ADAMTS9: variants seen among roughly 807,000 people sequenced by gnomAD.
ADAMTS9 encodes the protein A disintegrin and metalloproteinase with thrombospondin motifs 9.
In ADAMTS9, 107 loss-of-function variants were observed where a neutral mutation model predicts 257.1. That is an observed-to-expected ratio of 0.42 (90% CI 0.36 to 0.49). The LOEUF (loss-of-function observed/expected upper bound fraction) is 0.49, where lower values mean the gene tolerates loss of function less well. Ranked by LOEUF, ADAMTS9 falls within the 20% of genes least tolerant of loss-of-function variation. ADAMTS9 has a pLI of 0.03. For synonymous variants in ADAMTS9, 982 were observed against 880.9 expected, an observed-to-expected ratio of 1.11 and a Z score of -2.03; for missense variants, 2,353 against 2,469.1, an observed-to-expected ratio of 0.95 and a Z score of 1.00.
intron 28 of ADAMTS9, among the ~76,000 whole-genome samples, chr3:64,591,481 A>C (rs1655138158): frequency 6.6e-6 from 1 of 152,102 alleles, no homozygotes; most frequent in African/African-American, 2.4e-5. Flanking sequence ...AACACTACCA[A>C]AAAAAGAGTC....
At chr3:64,652,222 C>T (rs747142520) in intron 8 of ADAMTS9, among the ~76,000 whole-genome samples, 7 of 152,170 alleles carry the variant, frequency 4.6e-5, no homozygotes, top group Non-Finnish European at 1.0e-4. Context: ...CATAGACTTG[C>T]ATCATATAAA....
intron 30 of ADAMTS9, among the ~76,000 whole-genome samples, chr3:64,559,336 G>A (rs1287768023): frequency 6.6e-6 from 1 of 152,100 alleles, no homozygotes; most frequent in East Asian, 1.9e-4. Context: ...GCCTCACTCT[G>A]CCAATGAGAG....
intron 30 of ADAMTS9, among the ~76,000 whole-genome samples, chr3:64,556,141 C>T (rs1057410625): frequency 6.6e-6 from 1 of 152,032 alleles, no homozygotes; most frequent in Non-Finnish European, 1.5e-5. Flanking sequence ...TAATAAAAGC[C>T]CTCAGACTCC....
At chr3:64,659,857 G>C (rs183444468) in intron 3 of ADAMTS9, among the ~76,000 whole-genome samples, 289 of 152,160 alleles carry the variant, frequency 1.9e-3, no homozygotes, top group African/African-American at 6.6e-3. Context: ...CCGTGGACCA[G>C]CAAAATTGAC....
Position 64,516,863 on chromosome 3 carries a change from A to C in ADAMTS9, c.*264T>G, listed in dbSNP as rs1416057046. On this transcript the variant is annotated 3_prime_UTR_variant, in exon 40 of 40. Coordinates refer to ENST00000498707, the MANE Select transcript of ADAMTS9 (RefSeq NM_182920.2). ...ATAATAGAATCATTTTACGTACAAA[A>C]ATATTACATCACAATAAATAATTTC... The C allele has an allele frequency of 6.5e-6, 1 of 152,684 alleles. No homozygotes were observed. Among genetic ancestry groups the C allele is most frequent in the Admixed American group, 6.5e-5 (1 of 15,286 alleles). The allele number at this position is 152,684 out of a possible 1,614,324, so 9.5% of individuals were successfully genotyped here.
At chr3:64,679,459 C>T (rs1183609598) in intron 3 of ADAMTS9, among the ~76,000 whole-genome samples, 1 of 152,138 alleles carries the variant, frequency 6.6e-6, no homozygotes, top group Non-Finnish European at 1.5e-5. Context: ...TGGTAACTAC[C>T]TCATAGGTTT....
At chr3:64,533,707 G>C (rs2083011333) in intron 37 of ADAMTS9, among the ~76,000 whole-genome samples, 1 of 152,120 alleles carries the variant, frequency 6.6e-6, no homozygotes. Flanking sequence ...AAGCTTCCTG[G>C]GCTTCCAGCT....
In ADAMTS9 at chr3:64,646,310, A is replaced by G. The variant is rs376767412; in HGVS notation, c.1710+1630T>C. Among the ~76,000 whole-genome samples, 4 of 152,190 alleles carry G rather than the reference A, an allele frequency of 2.6e-5. No homozygotes were observed. In the East Asian group the frequency reaches 5.8e-4, roughly 22 times the overall value. On this transcript the variant is annotated intron_variant, in intron 11 of 39. Transcript: ENST00000498707. ...AGTTGTTTGGGTCTTTGTGTTTAGA[A>G]GGACTCTGAGGCCACATCTTGATTT...
At position 64,593,673 on chromosome 3, in the gene ADAMTS9, G is replaced by A. The variant is rs541594910; in HGVS notation, c.4356+585C>T. 2.6e-4 allele frequency among the ~76,000 whole-genome samples: 39 copies of A among 152,320 alleles called. No homozygotes were observed. The South Asian group carries it at 7.5e-3, about 29-fold the overall frequency. On this transcript the variant is annotated intron_variant, in intron 28 of 39. Transcript: ENST00000498707. Reference sequence around the variant, plus strand: ...ACGGGCTTCCTATCTCTGTGCAAGAGAGAGAACATTTCCGACACCCTAAAA... The same window carrying A: ...ACGGGCTTCCTATCTCTGTGCAAGAAAGAGAACATTTCCGACACCCTAAAA...
chr3:64,537,316 T>C (rs2083063550), intron 37 of ADAMTS9, among the ~76,000 whole-genome samples: 1 of 152,170 alleles, frequency 6.6e-6, no homozygotes, highest in African/African-American at 2.4e-5. Flanking sequence ...AGGATGTGCA[T>C]ATAGAAACAA....
At chr3:64,646,174 G>A (rs1336255900) in intron 11 of ADAMTS9, among the ~76,000 whole-genome samples, 2 of 152,192 alleles carry the variant, frequency 1.3e-5, no homozygotes, top group Non-Finnish European at 2.9e-5. Flanking sequence ...ATTTCACTGA[G>A]ATCAAACAGA....
intron 3 of ADAMTS9, among the ~76,000 whole-genome samples, chr3:64,662,994 G>C (rs980357138): frequency 6.6e-6 from 1 of 152,064 alleles, no homozygotes; most frequent in Non-Finnish European, 1.5e-5. Context: ...GTTTAGACTT[G>C]GGTTCTATGC....
intron 28 of ADAMTS9, among the ~76,000 whole-genome samples, chr3:64,585,985 C>T (rs1179123997): frequency 6.6e-6 from 1 of 152,092 alleles, no homozygotes; most frequent in Admixed American, 6.6e-5. Context: ...TGTAGACATA[C>T]CCTTTCCACT....
chr3:64,593,746 A>C (rs2084304163), intron 28 of ADAMTS9, among the ~76,000 whole-genome samples: 1 of 152,082 alleles, frequency 6.6e-6, no homozygotes, highest in Non-Finnish European at 1.5e-5. Flanking sequence ...TTTTTAAATG[A>C]TTTTAGTCTA....
At chr3:64,634,502 T>C (rs943723023) in intron 12 of ADAMTS9, among the ~76,000 whole-genome samples, 4 of 152,258 alleles carry the variant, frequency 2.6e-5, no homozygotes, top group Non-Finnish European at 5.9e-5. Context: ...AAGAGCATAC[T>C]GGTTTCATTA....
At chr3:64,647,808 C>A in intron 11 of ADAMTS9, 132 bp downstream of exon 11, 1 of 657,210 alleles carries the variant, frequency 1.5e-6, no homozygotes, top group Non-Finnish European at 2.4e-6. Context: ...AAACATCTGT[C>A]CTCTAAAAAA....
At chr3:64,636,989 G>A (rs1025759007) in intron 12 of ADAMTS9, among the ~76,000 whole-genome samples, 2 of 152,184 alleles carry the variant, frequency 1.3e-5, no homozygotes, top group African/African-American at 4.8e-5. Context: ...AGAAGCTCAA[G>A]ACCTGGCCTC....
Position 64,607,302 on chromosome 3 carries a change from AT to A in ADAMTS9, c.3355-224del, listed in dbSNP as rs1286072443. Among the ~76,000 whole-genome samples the A allele has an allele frequency of 2.6e-5, 4 of 152,328 alleles. 1 individual carries two copies. The highest frequency in any genetic ancestry group is 6.8e-3 in the Middle Eastern group (2 of 294). ...TATTTCTGCCTCCCATTGAAATGAT[AT>A]TTATAGGGGTTCAACTCATTAACTG... On this transcript the variant is annotated intron_variant, in intron 22 of 39. Transcript: ENST00000498707.
At chr3:64,579,543 G>A (rs952492433) in intron 28 of ADAMTS9, among the ~76,000 whole-genome samples, 1 of 151,942 alleles carries the variant, frequency 6.6e-6, no homozygotes, top group Non-Finnish European at 1.5e-5. Flanking sequence ...CTCTCCACTA[G>A]AAGGTAAGCG....
Sources: gnomAD v4.1 joint callset for allele counts (sites outside exome capture counted in the v4.1 genomes callset) on GRCh38, gnomAD v4.1.1 for gene constraint, MANE v1.5 for transcripts, NCBI Gene and HGNC (gene_info 2026-07-23, HGNC 2026-07-21) for gene names.